PRKN: variants seen among roughly 807,000 people sequenced by gnomAD.
The protein encoded by PRKN is E3 ubiquitin-protein ligase parkin.
In PRKN, 56 loss-of-function variants were observed where a neutral mutation model predicts 59.5. The ratio of observed to expected loss-of-function variants is 0.94; its 90% CI spans 0.76 to 1.18. The LOEUF (loss-of-function observed/expected upper bound fraction) is 1.18, where lower values mean the gene tolerates loss of function less well. PRKN is among the 50% of genes most tolerant of loss of function. PRKN has a pLI of 0.00. For synonymous variants in PRKN, 250 were observed against 222.1 expected (o/e 1.13, Z -1.12); for missense variants, 657 against 596.4 (o/e 1.10, Z -1.06).
In PRKN at chr6:162,626,120, T is replaced by C. The variant is rs370166833; in HGVS notation, c.7+101542A>G. Among the ~76,000 whole-genome samples, 21 of 152,334 alleles carry C rather than the reference T, an allele frequency of 1.4e-4. No individual in the cohort carries two copies. The East Asian group carries it at 3.5e-3, about 25-fold the overall frequency. ...ACCATTCCCCTGCCTCACAAAATGATACTTAGGTTAAGTGCAATCATTGAT... is the reference window on the plus strand; with the variant it reads ...ACCATTCCCCTGCCTCACAAAATGACACTTAGGTTAAGTGCAATCATTGAT... On this transcript the variant is annotated intron_variant, in intron 1 of 11. Transcript: ENST00000366898.
rs955134345 is a variant in PRKN at position 161,518,190 on chromosome 6, G to A, written c.1083+30664C>T. 6.6e-6 allele frequency among the ~76,000 whole-genome samples: 1 copy of A among 152,210 alleles called. No homozygotes were observed. Among genetic ancestry groups the A allele is most frequent in the African/African-American group, 2.4e-5 (1 of 41,454 alleles). Reference sequence around the variant, plus strand: ...CAGCTGGACAGTGACTCCACACCATGGGGCCGGGGAGGTGGCAACATAGGT... The same window carrying A: ...CAGCTGGACAGTGACTCCACACCATAGGGCCGGGGAGGTGGCAACATAGGT... On this transcript the variant is annotated intron_variant, in intron 9 of 11. Coordinates refer to ENST00000366898, the MANE Select transcript of PRKN (RefSeq NM_004562.3). This position sits in a 1 kb window ranked among gnomAD's most constrained non-coding sequence, Gnocchi z 5.0.
At chr6:162,039,126 A>G (rs903358102) in intron 5 of PRKN, among the ~76,000 whole-genome samples, 1 of 151,670 alleles carries the variant, frequency 6.6e-6, no homozygotes, top group South Asian at 2.1e-4. Flanking sequence ...ACTGCACTCC[A>G]GCCTGGGCGA....
intron 1 of PRKN, among the ~76,000 whole-genome samples, chr6:162,526,011 T>C (rs1778265294): frequency 6.6e-6 from 1 of 151,990 alleles, no homozygotes; most frequent in Non-Finnish European, 1.5e-5. Flanking sequence ...CCCAGCTAAT[T>C]TTTATATTTC....
chr6:161,389,826 A>C (rs1786428692), intron 9 of PRKN, among the ~76,000 whole-genome samples: 1 of 152,228 alleles, frequency 6.6e-6, no homozygotes, highest in Admixed American at 6.5e-5. Flanking sequence ...AATCAGTTTC[A>C]TGGTAGAGGA....
chr6:161,858,948 G>A (rs9347546), intron 6 of PRKN, among the ~76,000 whole-genome samples: 70,536 of 143,722 alleles, frequency 0.49, 17,534 homozygotes, highest in East Asian at 0.75. Flanking sequence ...TGCAACCTCC[G>A]TCTCCTGGGT....
In PRKN at chr6:162,322,258, T is replaced by C. The variant is rs139738919; in HGVS notation, c.172-59493A>G. On this transcript the variant is annotated intron_variant, in intron 2 of 11. Coordinates refer to ENST00000366898, the MANE Select transcript of PRKN (RefSeq NM_004562.3). ...ATTTACAAACAGTTTGTGTGAATTGTACACTGAAAAGTATAAAACATTGCT... is the reference window on the plus strand; with the variant it reads ...ATTTACAAACAGTTTGTGTGAATTGCACACTGAAAAGTATAAAACATTGCT... 2.7e-3 allele frequency among the ~76,000 whole-genome samples: 407 copies of C among 152,178 alleles called. 1 individual carries two copies. The highest frequency in any genetic ancestry group is 9.2e-3 in the African/African-American group (382 of 41,542).
At position 161,502,759 on chromosome 6, in the gene PRKN, G is replaced by A. The variant is rs1243213060; in HGVS notation, c.1083+46095C>T. ...GGAGCAGTGTCGGTGAGGGTATGAG[G>A]TGGCTCTGATCCATGCTCTACGGTG... On this transcript the variant is annotated intron_variant, in intron 9 of 11. Transcript: ENST00000366898. This position sits in a 1 kb window ranked among gnomAD's most constrained non-coding sequence, Gnocchi z 4.0. Among the ~76,000 whole-genome samples the A allele has an allele frequency of 6.6e-6, 1 of 152,148 alleles. No homozygotes were observed. Among genetic ancestry groups the A allele is most frequent in the Non-Finnish European group, 1.5e-5 (1 of 68,034 alleles).
intron 6 of PRKN, among the ~76,000 whole-genome samples, chr6:161,963,681 TTA>T (rs2128249168): frequency 6.6e-6 from 1 of 152,368 alleles, no homozygotes; most frequent in Admixed American, 6.5e-5. Flanking sequence ...ATTAACTCAA[TTA>T]GTCTATTAAA....
chr6:162,278,487 T>C (rs1483242546), intron 2 of PRKN, among the ~76,000 whole-genome samples: 1 of 152,124 alleles, frequency 6.6e-6, no homozygotes, highest in African/African-American at 2.4e-5. Context: ...GCAAAAAATG[T>C]ACCGCTCTGG....
At chr6:162,600,230 G>T (rs1198528281) in intron 1 of PRKN, among the ~76,000 whole-genome samples, 1 of 152,062 alleles carries the variant, frequency 6.6e-6, no homozygotes, top group Non-Finnish European at 1.5e-5. Context: ...ATGCCATCAC[G>T]TGGTATACTC....
At chr6:162,333,308 G>A (rs752974978) in intron 2 of PRKN, among the ~76,000 whole-genome samples, 4 of 149,916 alleles carry the variant, frequency 2.7e-5, no homozygotes, top group African/African-American at 4.9e-5. Context: ...TTGTCATTGT[G>A]CTTCAAGTTG....
intron 2 of PRKN, among the ~76,000 whole-genome samples, chr6:162,324,174 G>A (rs1783164267): frequency 1.3e-5 from 2 of 152,094 alleles, no homozygotes; most frequent in Admixed American, 6.6e-5. Context: ...TAATAAAACA[G>A]GCCAGAGTAA....
At chr6:162,688,855 T>G (rs1777663311) in intron 1 of PRKN, among the ~76,000 whole-genome samples, 1 of 152,296 alleles carries the variant, frequency 6.6e-6, no homozygotes, top group Admixed American at 6.5e-5. Flanking sequence ...TTTATAATTG[T>G]GTTTTTACTT....
At chr6:161,865,771 G>C (rs1310786124) in intron 6 of PRKN, among the ~76,000 whole-genome samples, 1 of 152,142 alleles carries the variant, frequency 6.6e-6, no homozygotes, top group African/African-American at 2.4e-5. Flanking sequence ...ATCCAGACCA[G>C]AGTTTTTCCA....
chr6:162,478,272 C>A (rs1792124562), intron 1 of PRKN, among the ~76,000 whole-genome samples: 1 of 152,098 alleles, frequency 6.6e-6, no homozygotes, highest in East Asian at 1.9e-4. Flanking sequence ...AGAGTAAGTA[C>A]AGTTATCACT....
intron 6 of PRKN, among the ~76,000 whole-genome samples, chr6:161,807,310 C>CAT (rs1280985794): frequency 1.3e-5 from 2 of 152,246 alleles, no homozygotes; most frequent in East Asian, 1.9e-4. Context: ...CGCATGCAAA[C>CAT]ATATATATAC....
chr6:161,961,083 A>G (rs1780359377), intron 6 of PRKN, among the ~76,000 whole-genome samples: 1 of 152,220 alleles, frequency 6.6e-6, no homozygotes, highest in Admixed American at 6.5e-5. Context: ...CAATAGTTGG[A>G]CCTTCTCCAG....
At chr6:161,438,439 G>A (rs6909600) in intron 9 of PRKN, among the ~76,000 whole-genome samples, 152,092 of 152,092 alleles carry the variant, frequency 1, 76,046 homozygotes, top group Non-Finnish European at 1. Flanking sequence ...GATGGTCTCT[G>A]TCTCTTGACC....
At chr6:161,701,428 CT>C (rs1351018546) in intron 7 of PRKN, among the ~76,000 whole-genome samples, 2 of 152,126 alleles carry the variant, frequency 1.3e-5, no homozygotes, top group African/African-American at 4.8e-5. Context: ...ATGAAAGTTG[CT>C]GATTTTTTAT....
Sources: allele counts gnomAD v4.1 joint callset (sites outside exome capture counted in the v4.1 genomes callset), GRCh38; gene constraint gnomAD v4.1.1; non-coding constraint Gnocchi (gnomAD v3.1); transcripts MANE v1.5; gene names NCBI Gene and HGNC (gene_info 2026-07-23, HGNC 2026-07-21).